Variants in AMDHD1 observed in about 807,000 individuals in gnomAD.
The protein encoded by AMDHD1 is probable imidazolonepropionase.
AMDHD1 carries 45 observed loss-of-function variants against 44.1 expected under a neutral mutation model. The ratio of observed to expected loss-of-function variants is 1.02; its 90% CI spans 0.80 to 1.31. The LOEUF is 1.31. AMDHD1 is among the 50% of genes most tolerant of loss of function. The pLI, the probability that AMDHD1 is intolerant of heterozygous loss-of-function variation, is 0.00. For missense variants in AMDHD1, 586 were observed against 552.1 expected (o/e 1.06, Z -0.61); for synonymous variants, 206 against 205.0 (o/e 1.00, Z -0.04).
At chr12:95,963,249 A>C (rs1371848287) in intron 6 of AMDHD1, among the ~76,000 whole-genome samples, 2 of 152,202 alleles carry the variant, frequency 1.3e-5, no homozygotes, top group Non-Finnish European at 2.9e-5. Context: ...AGTGGTTCTC[A>C]ACCCCAGGGT....
At chr12:95,958,665 T>C (rs2080564491) in intron 4 of AMDHD1, among the ~76,000 whole-genome samples, 1 of 152,204 alleles carries the variant, frequency 6.6e-6, no homozygotes, top group African/African-American at 2.4e-5. Context: ...CTGGGTGATT[T>C]TGAGGTCATG....
At chr12:95,964,928 CAAAAAAA>C (rs60076877) in intron 6 of AMDHD1, among the ~76,000 whole-genome samples, 43 of 35,832 alleles carry the variant, frequency 1.2e-3, no homozygotes, top group Middle Eastern at 0.022. Flanking sequence ...ATGTTTGAGG[CAAAAAAA>C]AAAAAAAAAA....
At chr12:95,954,813 A>G (rs2136763558) in intron 2 of AMDHD1, 98 bp from the exon 3 acceptor site, 1 of 1,121,724 alleles carries the variant, frequency 8.9e-7, no homozygotes, top group Non-Finnish European at 1.3e-6. Context: ...CCACCATCAC[A>G]CTTTCCCCAG....
intron 3 of AMDHD1, 60 bp from the exon 4 acceptor site, chr12:95,956,625 C>A: frequency 3.1e-6 from 5 of 1,589,462 alleles, no homozygotes; most frequent in South Asian, 1.1e-5. Context: ...GAAGTAGATT[C>A]TTCAGACCTC....
chr12:95,953,818 C>T (rs1376039504), intron 2 of AMDHD1, among the ~76,000 whole-genome samples: 2 of 152,104 alleles, frequency 1.3e-5, no homozygotes, highest in South Asian at 2.1e-4. Context: ...TGATCTCAAG[C>T]GATCTGCTGA....
At chr12:95,956,515 A>G in intron 3 of AMDHD1, 170 bp from the exon 4 acceptor site, 1 of 855,496 alleles carries the variant, frequency 1.2e-6, no homozygotes, top group Non-Finnish European at 1.8e-6. Context: ...TGTCTGGCAG[A>G]CTAGGGGCTT....
At chr12:95,963,768 G>T (rs915908514) in intron 6 of AMDHD1, among the ~76,000 whole-genome samples, 2 of 152,038 alleles carry the variant, frequency 1.3e-5, no homozygotes, top group East Asian at 3.9e-4. Flanking sequence ...AGTGGCTCAC[G>T]CCTGTAATCC....
chr12:95,944,049 C>T (rs1166730956), intron 1 of AMDHD1, among the ~76,000 whole-genome samples: 3 of 152,076 alleles, frequency 2.0e-5, no homozygotes, highest in Admixed American at 2.0e-4. Context: ...AACATTTAGA[C>T]GATAATGGCC....
chr12:95,951,112 C>T (rs572693694), intron 1 of AMDHD1, among the ~76,000 whole-genome samples: 1 of 152,122 alleles, frequency 6.6e-6, no homozygotes, highest in Admixed American at 6.5e-5. Flanking sequence ...CTCAGTTATT[C>T]TAAAATGTGC....
At position 95,967,975 on chromosome 12, in the gene AMDHD1, C is replaced by A; in HGVS notation, c.*132C>A. 1.5e-6 allele frequency: 1 copy of A among 646,082 alleles called. No homozygotes were observed. Among genetic ancestry groups the A allele is most frequent in the Non-Finnish European group, 2.6e-6 (1 of 391,936 alleles). The allele number at this position is 646,082 out of a possible 1,614,324, so 40.0% of individuals were successfully genotyped here. A position where few individuals can be genotyped will look rare whatever the true frequency, so the allele number is the denominator to read the frequency against. ...AATGTACTTCAATGTCTTTTTAAGTCACTCAAAAAACCCAAGGGATAGATT... is the reference window on the plus strand; with the variant it reads ...AATGTACTTCAATGTCTTTTTAAGTAACTCAAAAAACCCAAGGGATAGATT... On this transcript the variant is annotated 3_prime_UTR_variant, in exon 9 of 9. Coordinates refer to ENST00000266736, the MANE Select transcript of AMDHD1 (RefSeq NM_152435.3).
chr12:95,943,429 A>G lies in AMDHD1; in HGVS notation c.31A>G (p.Asn11Asp). 6.6e-7 allele frequency: 1 copy of G among 1,505,790 alleles called. No homozygotes were observed. The allele number at this position is 1,505,790 out of a possible 1,614,324, so 93.3% of individuals were successfully genotyped here. ...AAGCGGCCACAGCCTCCTGCTGGAG[A>G]ACGCGCAGCAAGTGGTGCTGGTGTG... Reference protein sequence around the residue: MASGHSLLLENAQQVVLVCAR... With the variant: MASGHSLLLEDAQQVVLVCAR... Residue 11 changes from asparagine to aspartate, a missense_variant, in exon 1 of 9, where the codon AAC becomes GAC. Transcript: ENST00000266736.
intron 1 of AMDHD1, among the ~76,000 whole-genome samples, chr12:95,944,178 G>A (rs2080481487): frequency 6.6e-6 from 1 of 152,072 alleles, no homozygotes; most frequent in African/African-American, 2.4e-5. Context: ...GGGGTAGCAA[G>A]GGAAGTTGGA....
rs2080527958 is a variant in AMDHD1 at position 95,952,076 on chromosome 12, C to G, written c.138-641C>G. Among the ~76,000 whole-genome samples, 3 of 152,070 alleles carry G rather than the reference C, an allele frequency of 2.0e-5. No homozygotes were observed. In the South Asian group the frequency reaches 6.2e-4, roughly 32 times the overall value. ...ATTATTTTCTTTGCTGTACAGAAGG[C>G]TTTTACCTTGAAGTGATCCCATTTG... On this transcript the variant is annotated intron_variant, in intron 1 of 8. Transcript: ENST00000266736.
At chr12:95,959,831 T>C in intron 4 of AMDHD1, among the ~76,000 whole-genome samples, 1 of 138,520 alleles carries the variant, frequency 7.2e-6, no homozygotes. Flanking sequence ...AGTCTTGCTC[T>C]GTCGCCCAGG....
Position 95,952,714 on chromosome 12 carries a change from C to A in AMDHD1, c.138-3C>A. ...TAATAACTATTTCTTGATTTTTCTT[C>A]AGAGATGGATTTATAAAAGCTATTG... On this transcript the variant is annotated splice_region_variant and splice_polypyrimidine_tract_variant and intron_variant, in intron 1 of 8. Transcript: ENST00000266736. 6.3e-7 allele frequency: 1 copy of A among 1,577,178 alleles called. No individual in the cohort carries two copies. Among genetic ancestry groups the A allele is most frequent in the Non-Finnish European group, 8.7e-7 (1 of 1,152,416 alleles).
chr12:95,964,494 T>C (rs1000067318), intron 6 of AMDHD1, among the ~76,000 whole-genome samples: 3 of 152,154 alleles, frequency 2.0e-5, no homozygotes, highest in African/African-American at 7.2e-5. Context: ...CTTTTTCCTC[T>C]TTTACCCCTA....
At chr12:95,966,889 T>G (rs970946680) in intron 8 of AMDHD1, among the ~76,000 whole-genome samples, 1 of 152,346 alleles carries the variant, frequency 6.6e-6, no homozygotes, top group East Asian at 1.9e-4. Context: ...TGATTTCTCA[T>G]GCCGACTGGC....
rs745740133 is a variant in AMDHD1 at position 95,966,460 on chromosome 12, C to A, written c.1145C>A (p.Ser382Ter). ...YALGKSHTHGSLEVGKQGDLI... is the reference protein window; with the variant it reads ...YALGKSHTHG The stretch of plus-strand genomic sequence containing the variant: ...CTGGGAAAGTCTCACACACACGGAT[C>A]GTTGGAAGTTGGCAAACAGGGAGAT... Residue 382 changes from serine to a stop codon, truncating the protein, a stop_gained, in exon 8 of 9, where the codon TCG becomes TAG. Transcript: ENST00000266736. LOFTEE classifies it high-confidence loss of function. 1 of 1,614,216 alleles carries A rather than the reference C, an allele frequency of 6.2e-7. No individual in the cohort carries two copies. Among genetic ancestry groups the A allele is most frequent in the South Asian group, 1.1e-5 (1 of 91,088 alleles).
chr12:95,949,095 C>T (rs1225024882), intron 1 of AMDHD1, among the ~76,000 whole-genome samples: 1 of 13,816 alleles, frequency 7.2e-5, no homozygotes. Context: ...CTGCCAAATC[C>T]CCCTCTGTGA....
Sources: allele counts gnomAD v4.1 joint callset (sites outside exome capture counted in the v4.1 genomes callset), GRCh38; gene constraint gnomAD v4.1.1; transcripts MANE v1.5; gene names NCBI Gene and HGNC (gene_info 2026-07-23, HGNC 2026-07-21).